Variants in PCDHA5 observed in about 807,000 individuals in gnomAD.
The protein encoded by PCDHA5 is protocadherin alpha 5.
Under a neutral mutation model 61.6 loss-of-function variants are expected in PCDHA5, and 43 were observed. The observed-to-expected ratio is 0.70, with a 90% CI of 0.55 to 0.90. The LOEUF (loss-of-function observed/expected upper bound fraction) is 0.90. Ranked by LOEUF, PCDHA5 falls within the 40% of genes least tolerant of loss-of-function variation. The pLI is 0.00. For missense variants in PCDHA5, 1,298 were observed against 1,222.7 expected, an observed-to-expected ratio of 1.06 and a Z score of -0.92; for synonymous variants, 627 against 543.9, an observed-to-expected ratio of 1.15 and a Z score of -2.13.
At chr5:140,900,559 G>T (rs542075943) in intron 1 of PCDHA5, among the ~76,000 whole-genome samples, 1 of 152,196 alleles carries the variant, frequency 6.6e-6, no homozygotes, top group Admixed American at 6.5e-5. Context: ...TTACAGGCGT[G>T]AGCCACGGCA....
chr5:140,843,381 T>C, intron 1 of PCDHA5: 1 of 1,596,090 alleles, frequency 6.3e-7, no homozygotes. Flanking sequence ...GCTGGCGTTT[T>C]GGGTCCGGAA....
In PCDHA5 at chr5:140,824,018, C is replaced by T. The variant is rs2150131575; in HGVS notation, c.2243C>T (p.Ser748Leu). Residue 748 changes from serine (S) to leucine (L), a missense_variant, in exon 1 of 4, where the codon TCG becomes TTG. By Grantham distance (145) the Ser-to-Leu change is moderately radical. Transcript: ENST00000529859. ...LLCSSAVGSW[S>L]YSQQRRQRVC... ...TGCTCCAGCGCGGTGGGGAGCTGGT[C>T]GTACTCGCAGCAGAGGAGACAGAGG... is the stretch of plus-strand genomic sequence containing the variant. 1 of 1,613,994 alleles carries T rather than the reference C, an allele frequency of 6.2e-7. No homozygotes were observed. Among genetic ancestry groups the T allele is most frequent in the African/African-American group, 1.3e-5 (1 of 74,920 alleles).
rs1162004111 is a variant in PCDHA5, at chr5:140,853,967, G to A, written c.2352+29840G>A. ...GAGGGTCCCTTCCTTGAGCCCAGCAGTTTGAGACCAATGTAGTGAGACTCA... is the reference window on the plus strand; with the variant it reads ...GAGGGTCCCTTCCTTGAGCCCAGCAATTTGAGACCAATGTAGTGAGACTCA... On this transcript the variant is annotated intron_variant, in intron 1 of 3. Coordinates refer to ENST00000529859, the MANE Select transcript of PCDHA5 (RefSeq NM_018908.3). The A allele has an allele frequency of 7.7e-6, 5 of 646,708 alleles. No homozygotes were observed. The East Asian group carries it at 4.0e-4, about 51-fold the overall frequency. The allele number at this position is 646,708 out of a possible 1,614,324, so 40.1% of individuals were successfully genotyped here.
Position 140,871,457 on chromosome 5 carries a change from G to A in PCDHA5, c.2352+47330G>A, listed in dbSNP as rs1562665046. 8.1e-6 allele frequency: 13 copies of A among 1,605,570 alleles called. No individual in the cohort carries two copies. The highest frequency in any genetic ancestry group is 1.1e-5 in the Non-Finnish European group (13 of 1,175,480). The stretch of plus-strand genomic sequence containing the variant: ...CTAGGTCTGAATAAAGAGGAGGAAG[G>A]GGAAAGACAGGAGCCAGGGTCAAAT... On this transcript the variant is annotated intron_variant, in intron 1 of 3. Transcript: ENST00000529859.
At chr5:140,852,855 T>C in intron 1 of PCDHA5, 1 of 964,490 alleles carries the variant, frequency 1.0e-6, no homozygotes, top group Non-Finnish European at 1.3e-6. Flanking sequence ...TTACTAAGCA[T>C]TTACTATGTC....
chr5:140,851,036 T>C lies in PCDHA5; in HGVS notation c.2352+26909T>C. 2 of 1,401,900 alleles carry C rather than the reference T, an allele frequency of 1.4e-6. 1 individual carries two copies. The highest frequency in any genetic ancestry group is 3.7e-5 in the South Asian group (2 of 53,334). 86.8% of individuals were successfully genotyped at this position (1,401,900 alleles called of 1,614,324 possible). The stretch of plus-strand genomic sequence containing the variant: ...TTCTGATAAAGTAAACCCCTTAACA[T>C]TGGAGCCGACTTTGTCTTGACTTCT... On this transcript the variant is annotated intron_variant, in intron 1 of 3. Transcript: ENST00000529859.
rs114871325 is a variant in PCDHA5, at chr5:140,841,052, T to C, written c.2352+16925T>C. 3.2e-3 allele frequency: 1,400 copies of C among 431,624 alleles called. 26 individuals carry two copies. The highest frequency in any genetic ancestry group is 0.026 in the African/African-American group (1,290 of 50,274). 26.7% of individuals were successfully genotyped at this position (431,624 alleles called of 1,614,324 possible). ...AATTGATAAAGTTAAGGATTTACTA[T>C]TAAATTATGATAAAGAAATAGAAAG... On this transcript the variant is annotated intron_variant, in intron 1 of 3. Transcript: ENST00000529859.
chr5:140,995,334 T>C (rs2097677447), intron 3 of PCDHA5, among the ~76,000 whole-genome samples: 1 of 152,184 alleles, frequency 6.6e-6, no homozygotes, highest in Non-Finnish European at 1.5e-5. Context: ...GTGAGTAGTG[T>C]AGACGGCATG....
At chr5:140,969,210 C>G in intron 1 of PCDHA5, 1 of 1,614,184 alleles carries the variant, frequency 6.2e-7, no homozygotes, top group Non-Finnish European at 8.5e-7. Context: ...GGGGCCCAGA[C>G]AGGACCAGGG....
At chr5:140,967,422 A>C in intron 1 of PCDHA5, 6 of 1,613,338 alleles carry the variant, frequency 3.7e-6, no homozygotes, top group East Asian at 2.2e-5. Flanking sequence ...GACCGGGAGC[A>C]GGCAGCCTTG....
intron 1 of PCDHA5, among the ~76,000 whole-genome samples, chr5:140,970,923 C>T (rs1009753173): frequency 1.3e-5 from 2 of 152,032 alleles, no homozygotes; most frequent in African/African-American, 4.8e-5. Flanking sequence ...ATCAGAAGTG[C>T]CTGGTGTTAG....
intron 1 of PCDHA5, chr5:140,862,036 A>G (rs1554155572): frequency 6.4e-6 from 1 of 155,636 alleles, no homozygotes; most frequent in African/African-American, 2.4e-5. Flanking sequence ...CGAGGGTTCA[A>G]ACCGTCACAT....
chr5:140,852,648 C>A, intron 1 of PCDHA5: 1 of 958,186 alleles, frequency 1.0e-6, no homozygotes, highest in Non-Finnish European at 1.3e-6. Context: ...TTAAACCTAT[C>A]TATATCTGTC....
At chr5:140,853,462 C>T (rs1386923717) in intron 1 of PCDHA5, 1 of 971,854 alleles carries the variant, frequency 1.0e-6, no homozygotes, top group African/African-American at 1.8e-5. Context: ...TCCTTATATG[C>T]ATCTGTAGTT....
chr5:140,971,919 C>G (rs529852735), intron 1 of PCDHA5, among the ~76,000 whole-genome samples: 1 of 152,162 alleles, frequency 6.6e-6, no homozygotes, highest in South Asian at 2.1e-4. Context: ...AGCCACACTG[C>G]TAGTGTTATT....
At chr5:140,907,582 G>C (rs978225789) in intron 1 of PCDHA5, among the ~76,000 whole-genome samples, 8 of 152,190 alleles carry the variant, frequency 5.3e-5, no homozygotes, top group African/African-American at 1.9e-4. Context: ...CAGGTAGCTG[G>C]CTGATCACCC....
Position 140,843,022 on chromosome 5 carries a change from G to A in PCDHA5, c.2352+18895G>A, listed in dbSNP as rs1554139645. On this transcript the variant is annotated intron_variant, in intron 1 of 3. Transcript: ENST00000529859. Reference sequence around the variant, plus strand: ...ATGACAACGCGCCGGCACTGCTGGAGCCTCGGGTGGGTGGCACTGGTGGCG... The same window carrying A: ...ATGACAACGCGCCGGCACTGCTGGAACCTCGGGTGGGTGGCACTGGTGGCG... 15 of 1,595,022 alleles carry A rather than the reference G, an allele frequency of 9.4e-6. 1 individual carries two copies. The highest frequency in any genetic ancestry group is 1.2e-5 in the Non-Finnish European group (14 of 1,165,456).
chr5:140,875,159 C>T (rs60784460), intron 1 of PCDHA5: 4,491 of 336,216 alleles, frequency 0.013, 178 homozygotes, highest in African/African-American at 0.087. Flanking sequence ...TGAAAAATAA[C>T]CCAAAGTCGA....
At chr5:140,838,077 AGTGTG>A (rs1171079264) in intron 1 of PCDHA5, among the ~76,000 whole-genome samples, 34 of 80,696 alleles carry the variant, frequency 4.2e-4, no homozygotes, top group African/African-American at 1.3e-3. Context: ...ATATATATAT[AGTGTG>A]TGTGTGTGTG....
Sources: gnomAD v4.1 joint callset for allele counts (sites outside exome capture counted in the v4.1 genomes callset) on GRCh38, gnomAD v4.1.1 for gene constraint, MANE v1.5 for transcripts, NCBI Gene and HGNC (gene_info 2026-07-23, HGNC 2026-07-21) for gene names.